The following CEP135 variants were observed in gnomAD, a reference collection of about 807,000 sequenced individuals.
CEP135 encodes the protein centrosomal protein of 135 kDa.
A neutral mutation model predicts 157.3 loss-of-function variants in CEP135; 142 were observed. The ratio of observed to expected loss-of-function variants is 0.90; its 90% CI spans 0.79 to 1.04. The LOEUF is 1.04. CEP135 is among the 50% of genes least tolerant of loss of function. The probability of loss-of-function intolerance (pLI) is 0.00; values close to 1 mark genes in which losing one functional copy is unlikely to be tolerated. For missense variants in CEP135, 1,317 were observed against 1,309.2 expected (o/e 1.01, Z -0.09); for synonymous variants, 396 against 439.8 (o/e 0.90, Z 1.25).
chr4:56,024,698 A>G, intron 25 of CEP135, 84 bp downstream of exon 25: 1 of 929,034 alleles, frequency 1.1e-6, no homozygotes, highest in Non-Finnish European at 1.7e-6. Context: ...AGGAAAGGGG[A>G]GATTGCCTGG....
intron 8 of CEP135, among the ~76,000 whole-genome samples, chr4:55,967,932 T>G (rs1321947935): frequency 1.3e-5 from 2 of 152,254 alleles, no homozygotes; most frequent in East Asian, 3.9e-4. Flanking sequence ...GCCAGAGCAG[T>G]TAGGCAAGAA....
intron 15 of CEP135, among the ~76,000 whole-genome samples, chr4:55,995,118 C>T (rs1465202821): frequency 6.6e-6 from 1 of 152,228 alleles, no homozygotes; most frequent in Admixed American, 6.5e-5. Flanking sequence ...TTAATTACAG[C>T]ATTTAATGAG....
chr4:55,956,943 T>C (rs1728526962), intron 4 of CEP135, among the ~76,000 whole-genome samples: 1 of 152,124 alleles, frequency 6.6e-6, no homozygotes, highest in South Asian at 2.1e-4. Flanking sequence ...GCCAAAGTCT[T>C]ATCCCCATCT....
chr4:56,007,255 T>C (rs953993798), intron 17 of CEP135, among the ~76,000 whole-genome samples: 1 of 152,188 alleles, frequency 6.6e-6, no homozygotes, highest in Non-Finnish European at 1.5e-5. Context: ...TTATTGAATT[T>C]CATTATACTT....
At chr4:55,969,224 AC>A in intron 9 of CEP135, 96 bp downstream of exon 9, 1 of 924,676 alleles carries the variant, frequency 1.1e-6, no homozygotes, top group Non-Finnish European at 1.7e-6. Context: ...GGAGTTCGAG[AC>A]CATCCAGCCA....
intron 8 of CEP135, among the ~76,000 whole-genome samples, chr4:55,967,556 TAGG>T: frequency 6.6e-6 from 1 of 152,226 alleles, no homozygotes; most frequent in African/African-American, 2.4e-5. Flanking sequence ...AACAAATTAT[TAGG>T]TAGATCATTT....
intron 3 of CEP135, among the ~76,000 whole-genome samples, chr4:55,953,707 A>T (rs1475700424): frequency 6.6e-6 from 1 of 152,184 alleles, no homozygotes; most frequent in Non-Finnish European, 1.5e-5. Flanking sequence ...TAAATGCTGG[A>T]TTTGAAGAAA....
intron 10 of CEP135, among the ~76,000 whole-genome samples, chr4:55,972,334 T>G (rs189761325): frequency 6.6e-6 from 1 of 152,198 alleles, no homozygotes; most frequent in East Asian, 1.9e-4. Context: ...GCACATAAAT[T>G]AAGAAGTTAA....
chr4:56,002,569 G>A (rs796878231), intron 17 of CEP135, among the ~76,000 whole-genome samples: 6 of 152,236 alleles, frequency 3.9e-5, no homozygotes, highest in African/African-American at 1.2e-4. Context: ...GCATCCTTGG[G>A]ATGAATCCCA....
chr4:55,985,240 ATCT>A, intron 13 of CEP135, 38 bp from the exon 14 acceptor site: 1 of 1,143,566 alleles, frequency 8.7e-7, no homozygotes, highest in Non-Finnish European at 1.3e-6. Flanking sequence ...TTGTTTTGTT[ATCT>A]GATACAAATG....
chr4:56,014,952 T>TG (rs35012864), intron 21 of CEP135, among the ~76,000 whole-genome samples: 1 of 151,974 alleles, frequency 6.6e-6, no homozygotes, highest in Middle Eastern at 3.4e-3. Context: ...CCCAGCTACT[T>TG]GGGGGGCTGA....
chr4:55,991,023 A>G (rs1729771272), intron 14 of CEP135, among the ~76,000 whole-genome samples: 1 of 151,794 alleles, frequency 6.6e-6, no homozygotes, highest in South Asian at 2.1e-4. Context: ...TTGCCCAGGC[A>G]GGAGTACAGT....
At position 56,009,170 on chromosome 4, in the gene CEP135, T is replaced by G. The variant is rs538345276; in HGVS notation, c.2337-565T>G. Among the ~76,000 whole-genome samples, 6 of 151,948 alleles carry G rather than the reference T, an allele frequency of 3.9e-5. No individual in the cohort carries two copies. The East Asian group carries it at 9.7e-4, about 25-fold the overall frequency. On this transcript the variant is annotated intron_variant, in intron 18 of 25. Coordinates refer to ENST00000257287, the MANE Select transcript of CEP135 (RefSeq NM_025009.5). ...AACTGTTTTTGTTGTTGTTGTTGTT[T>G]TTTGTTGTTGAGACGGAGTCTCGCT...
chr4:55,970,266 A>G lies in CEP135; in HGVS notation c.1111-1004A>G, dbSNP rs553281476. 3.6e-4 allele frequency among the ~76,000 whole-genome samples: 55 copies of G among 152,326 alleles called. 1 individual carries two copies. Among genetic ancestry groups the G allele is most frequent in the African/African-American group, 1.2e-3 (50 of 41,580 alleles). The stretch of plus-strand genomic sequence containing the variant: ...TCTTCAAATAACAAAGGAAGTAATC[A>G]TCCCAACAGAAGCCTAAATGTAGCA... On this transcript the variant is annotated intron_variant, in intron 9 of 25. Transcript: ENST00000257287.
At chr4:56,025,401 A>G (rs1731124839) in intron 25 of CEP135, among the ~76,000 whole-genome samples, 1 of 152,248 alleles carries the variant, frequency 6.6e-6, no homozygotes, top group Non-Finnish European at 1.5e-5. Flanking sequence ...AATAATAGGT[A>G]GTAAAAATGT....
chr4:56,022,667 C>T (rs1480256073), intron 24 of CEP135, among the ~76,000 whole-genome samples: 1 of 152,058 alleles, frequency 6.6e-6, no homozygotes, highest in Non-Finnish European at 1.5e-5. Flanking sequence ...GAGATGGCAA[C>T]ATAATCCCCA....
At chr4:55,965,464 T>C (rs1728812123) in intron 7 of CEP135, 180 bp from the exon 8 acceptor site, 1 of 508,294 alleles carries the variant, frequency 2.0e-6, no homozygotes, top group Non-Finnish European at 3.5e-6. Context: ...GATATGTACT[T>C]TCATTACACT....
intron 5 of CEP135, among the ~76,000 whole-genome samples, chr4:55,958,268 C>T (rs552163313): frequency 1.6e-4 from 25 of 152,092 alleles, no homozygotes; most frequent in Non-Finnish European, 1.9e-4. Flanking sequence ...GACCTTTTCT[C>T]TACAAAAAAT....
At chr4:55,961,914 G>A (rs1169741430) in intron 6 of CEP135, among the ~76,000 whole-genome samples, 2 of 151,862 alleles carry the variant, frequency 1.3e-5, no homozygotes, top group African/African-American at 2.4e-5. Context: ...TCCTGTTTAA[G>A]GCTGAGTTGC....
Sources: gnomAD v4.1 joint callset for allele counts (sites outside exome capture counted in the v4.1 genomes callset) on GRCh38, gnomAD v4.1.1 for gene constraint, MANE v1.5 for transcripts, NCBI Gene and HGNC (gene_info 2026-07-23, HGNC 2026-07-21) for gene names.